The following NECAB1 variants were observed in gnomAD, a reference collection of about 807,000 sequenced individuals.
The protein encoded by NECAB1 is N-terminal EF-hand calcium-binding protein 1.
In NECAB1, 29 loss-of-function variants were observed where a neutral mutation model predicts 57.5. That is an observed-to-expected ratio of 0.50 (90% CI 0.38 to 0.69). The LOEUF (loss-of-function observed/expected upper bound fraction) is 0.69. NECAB1 is among the 30% of genes least tolerant of loss of function. NECAB1 has a pLI of 0.00. For missense variants in NECAB1, 372 were observed against 413.8 expected (o/e 0.90, Z 0.88); for synonymous variants, 142 against 147.7 (o/e 0.96, Z 0.28).
intron 5 of NECAB1, among the ~76,000 whole-genome samples, chr8:90,894,971 A>G (rs1477191018): frequency 6.6e-6 from 1 of 152,210 alleles, no homozygotes; most frequent in Admixed American, 6.5e-5. Context: ...CCAAATCAAT[A>G]GTTTAATGAA....
At chr8:90,916,009 C>T (rs1476764018) in intron 5 of NECAB1, among the ~76,000 whole-genome samples, 2 of 152,166 alleles carry the variant, frequency 1.3e-5, no homozygotes, top group African/African-American at 4.8e-5. Context: ...TGGGTCTGCC[C>T]CTCCTAGTCC....
intron 3 of NECAB1, among the ~76,000 whole-genome samples, chr8:90,861,397 T>C (rs1405342952): frequency 2.0e-5 from 3 of 152,168 alleles, no homozygotes; most frequent in African/African-American, 4.8e-5. Flanking sequence ...GGGCAAGATA[T>C]AAATATTAAA....
In NECAB1 at chr8:90,957,314, C is replaced by T. The variant is rs1811049309; in HGVS notation, c.*1802C>T. 1 of 151,698 alleles carries T rather than the reference C, an allele frequency of 6.6e-6. No individual in the cohort carries two copies. The highest frequency in any genetic ancestry group is 1.5e-5 in the Non-Finnish European group (1 of 67,852). The allele number at this position is 151,698 out of a possible 1,614,324, so 9.4% of individuals were successfully genotyped here. A position where few individuals can be genotyped will look rare whatever the true frequency, so the allele number is the denominator to read the frequency against. On this transcript the variant is annotated 3_prime_UTR_variant, in exon 13 of 13. Coordinates refer to ENST00000417640, the MANE Select transcript of NECAB1 (RefSeq NM_022351.5). ...GCTTTGGTTGGTGCATTTAAGTATC[C>T]AACTCAAAAAGCATATCAAATATTT... is the stretch of plus-strand genomic sequence containing the variant.
In NECAB1 at chr8:90,835,558, A is replaced by T. The variant is rs117779488; in HGVS notation, c.233+10733A>T. The stretch of plus-strand genomic sequence containing the variant: ...ATACTCGCCACAAAATAATAATAAT[A>T]ATTATTATTATTAAGATGTATTCAC... On this transcript the variant is annotated intron_variant, in intron 3 of 12. Coordinates refer to ENST00000417640, the MANE Select transcript of NECAB1 (RefSeq NM_022351.5). Among the ~76,000 whole-genome samples the T allele has an allele frequency of 4.9e-3, 746 of 151,974 alleles. 5 individuals carry two copies. The highest frequency in any genetic ancestry group is 7.9e-3 in the Admixed American group (121 of 15,254).
At chr8:90,940,569 CGTT>C (rs1810644625) in intron 9 of NECAB1, 2 of 485,022 alleles carry the variant, frequency 4.1e-6, no homozygotes, top group Non-Finnish European at 3.7e-6. Flanking sequence ...GTAAAGAACA[CGTT>C]GTTTAGCTTC....
At chr8:90,794,315 G>A (rs906786078) in intron 1 of NECAB1, among the ~76,000 whole-genome samples, 1 of 152,074 alleles carries the variant, frequency 6.6e-6, no homozygotes, top group South Asian at 2.1e-4. Flanking sequence ...TTATTTATTT[G>A]ATTTAATATA....
chr8:90,824,559 T>C (rs796708047), intron 2 of NECAB1, among the ~76,000 whole-genome samples, 158 bp from the exon 3 acceptor site: 7 of 152,048 alleles, frequency 4.6e-5, no homozygotes, highest in East Asian at 1.9e-4. Context: ...TATATAAAGA[T>C]ATATTAAATT....
chr8:90,814,971 G>A (rs575527059), intron 2 of NECAB1, among the ~76,000 whole-genome samples: 1 of 152,004 alleles, frequency 6.6e-6, no homozygotes, highest in East Asian at 1.9e-4. Flanking sequence ...ATTTCTGTAT[G>A]TACCCATGGG....
intron 5 of NECAB1, among the ~76,000 whole-genome samples, chr8:90,885,691 G>A (rs767652714): frequency 6.6e-5 from 10 of 152,118 alleles, no homozygotes; most frequent in African/African-American, 9.6e-5. Context: ...AGTGATTCTC[G>A]TTTAATTTTT....
chr8:90,871,645 A>G (rs1173178739), intron 3 of NECAB1, among the ~76,000 whole-genome samples: 2 of 152,178 alleles, frequency 1.3e-5, no homozygotes, highest in Non-Finnish European at 2.9e-5. Context: ...GATAGCTAAC[A>G]TTCATCAAGT....
intron 5 of NECAB1, among the ~76,000 whole-genome samples, chr8:90,905,693 A>G (rs748378516): frequency 2.6e-5 from 4 of 152,162 alleles, no homozygotes; most frequent in Non-Finnish European, 5.9e-5. Flanking sequence ...CAAAATTATC[A>G]GCAATTGTCT....
intron 3 of NECAB1, among the ~76,000 whole-genome samples, chr8:90,865,810 A>G (rs897681957): frequency 7.2e-5 from 11 of 152,160 alleles, no homozygotes; most frequent in Non-Finnish European, 8.8e-5. Flanking sequence ...TCAGAATAAC[A>G]TCTGTTCCTG....
chr8:90,955,187 G>A (rs2130285896), intron 12 of NECAB1, among the ~76,000 whole-genome samples: 1 of 128,108 alleles, frequency 7.8e-6, no homozygotes, highest in Admixed American at 9.0e-5. Context: ...ATTCTAATAA[G>A]AACAATAGCA....
intron 5 of NECAB1, among the ~76,000 whole-genome samples, chr8:90,882,271 A>T (rs1028661868): frequency 1.3e-5 from 2 of 152,192 alleles, no homozygotes; most frequent in African/African-American, 4.8e-5. Context: ...AGAAATGTTG[A>T]TATTTGGAAA....
chr8:90,824,625 T>C (rs1327750411), intron 2 of NECAB1, 92 bp from the exon 3 acceptor site: 2 of 745,228 alleles, frequency 2.7e-6, no homozygotes, highest in Non-Finnish European at 4.3e-6. Context: ...CGTGTGTACA[T>C]GAACAAGCGT....
chr8:90,928,397 A>G (rs1810329175), intron 8 of NECAB1, 98 bp downstream of exon 8: 1 of 818,510 alleles, frequency 1.2e-6, no homozygotes. Flanking sequence ...CCATAGATAG[A>G]ATAACAGCCA....
rs1810216067 is a variant in NECAB1, at chr8:90,924,685, T to C, written c.495-850T>C. On this transcript the variant is annotated intron_variant, in intron 6 of 12. Transcript: ENST00000417640. The stretch of plus-strand genomic sequence containing the variant: ...CCAAGATGTTTGTTGGCGATCCAGC[T>C]ACCATGTTCACATTCCAACCAGGAA... Among the ~76,000 whole-genome samples, 3 of 152,286 alleles carry C rather than the reference T, an allele frequency of 2.0e-5. No individual in the cohort carries two copies. The South Asian group carries it at 6.2e-4, about 32-fold the overall frequency.
chr8:90,911,210 A>C (rs1809822219), intron 5 of NECAB1, among the ~76,000 whole-genome samples: 1 of 152,144 alleles, frequency 6.6e-6, no homozygotes, highest in Admixed American at 6.6e-5. Flanking sequence ...TACAAATTTG[A>C]GGAGAAAGGA....
chr8:90,907,188 G>GAGAGAGAGAGAGAGA (rs370070496), intron 5 of NECAB1, among the ~76,000 whole-genome samples: 152 of 142,426 alleles, frequency 1.1e-3, no homozygotes, highest in East Asian at 8.4e-3. Context: ...GAGAGAGAGA[G>GAGAGAGAGAGAGAGA]AATTAGTAGA....
Sources: allele counts gnomAD v4.1 joint callset (sites outside exome capture counted in the v4.1 genomes callset), GRCh38; gene constraint gnomAD v4.1.1; transcripts MANE v1.5; gene names NCBI Gene and HGNC (gene_info 2026-07-23, HGNC 2026-07-21).